Variants in PPARGC1A observed in about 807,000 individuals in gnomAD.
PPARGC1A encodes the protein peroxisome proliferator-activated receptor gamma coactivator 1-alpha.
Under a neutral mutation model 88.7 loss-of-function variants are expected in PPARGC1A, and 25 were observed. The ratio of observed to expected loss-of-function variants is 0.28; its 90% CI spans 0.21 to 0.39. The LOEUF is 0.39. PPARGC1A is among the 10% of genes least tolerant of loss of function. The pLI is 1.00. For synonymous variants in PPARGC1A, 363 were observed against 355.6 expected (o/e 1.02, Z -0.24); for missense variants, 880 against 968.7 (o/e 0.91, Z 1.22).
the PPARGC1A span, among the ~76,000 whole-genome samples, chr4:24,009,033 A>G: frequency 2.0e-3 from 306 of 151,722 alleles, 1 homozygote; most frequent in African/African-American, 7.1e-3. Flanking sequence ...GGGCTAGTTT[A>G]CTTAATACAG....
At chr4:23,909,463 T>C in the PPARGC1A span, among the ~76,000 whole-genome samples, 1 of 152,036 alleles carries the variant, frequency 6.6e-6, no homozygotes. Context: ...AAGACCTTGC[T>C]TATTCATTCA....
the PPARGC1A span, among the ~76,000 whole-genome samples, chr4:24,099,931 TG>T: frequency 8.3e-6 from 1 of 121,026 alleles, no homozygotes; most frequent in Admixed American, 1.2e-4. Context: ...TGAGAACACT[TG>T]GGCACAGGAA....
intron 2 of PPARGC1A, among the ~76,000 whole-genome samples, chr4:23,844,667 A>G (rs1380244964): frequency 2.9e-5 from 3 of 103,520 alleles, no homozygotes; most frequent in Admixed American, 1.5e-4. Flanking sequence ...TATATCATAT[A>G]TTATAATAAT....
chr4:23,956,296 CT>C, the PPARGC1A span, among the ~76,000 whole-genome samples: 3 of 151,996 alleles, frequency 2.0e-5, no homozygotes, highest in Non-Finnish European at 4.4e-5. Flanking sequence ...TTCAATAGGT[CT>C]GAGGTGGGGT....
chr4:23,922,476 C>T, the PPARGC1A span, among the ~76,000 whole-genome samples: 1 of 152,196 alleles, frequency 6.6e-6, no homozygotes, highest in African/African-American at 2.4e-5. Context: ...TGAACTCCAT[C>T]ATGTTTTAAG....
the PPARGC1A span, among the ~76,000 whole-genome samples, chr4:24,016,312 G>C: frequency 3.9e-5 from 6 of 152,148 alleles, no homozygotes; most frequent in African/African-American, 1.4e-4. Flanking sequence ...TGGAATGAGA[G>C]GAAAGCAGCA....
chr4:24,314,942 A>G, the PPARGC1A span, among the ~76,000 whole-genome samples: 1 of 152,022 alleles, frequency 6.6e-6, no homozygotes, highest in Non-Finnish European at 1.5e-5. Context: ...AGGTTAATTA[A>G]TAACTCTTAT....
chr4:24,281,668 G>C, the PPARGC1A span, among the ~76,000 whole-genome samples: 2 of 152,120 alleles, frequency 1.3e-5, no homozygotes, highest in Non-Finnish European at 2.9e-5. Flanking sequence ...CTATACAGCA[G>C]GCTCTGTGCA....
the PPARGC1A span, among the ~76,000 whole-genome samples, chr4:24,062,671 G>A: frequency 6.6e-6 from 1 of 152,168 alleles, no homozygotes; most frequent in Non-Finnish European, 1.5e-5. Flanking sequence ...CTTTACAAGT[G>A]GCTAGAAATG....
chr4:24,318,189 C>A, the PPARGC1A span, among the ~76,000 whole-genome samples: 1 of 152,138 alleles, frequency 6.6e-6, no homozygotes, highest in Non-Finnish European at 1.5e-5. Flanking sequence ...TAATGACAGG[C>A]GACCACTTGG....
the PPARGC1A span, among the ~76,000 whole-genome samples, chr4:24,006,345 G>A: frequency 6.6e-5 from 10 of 152,230 alleles, no homozygotes; most frequent in South Asian, 4.1e-4. Flanking sequence ...CACTGTGCCC[G>A]GCCAGTTTTC....
the PPARGC1A span, among the ~76,000 whole-genome samples, chr4:24,292,263 G>A: frequency 1.3e-5 from 2 of 152,082 alleles, no homozygotes; most frequent in African/African-American, 2.4e-5. Flanking sequence ...ACTCTCGCGG[G>A]TTGCTTCAAA....
chr4:24,036,737 G>T, the PPARGC1A span, among the ~76,000 whole-genome samples: 168 of 152,138 alleles, frequency 1.1e-3, no homozygotes, highest in Non-Finnish European at 2.1e-3. Context: ...CTTGGGTAGG[G>T]TATTGAATTG....
the PPARGC1A span, among the ~76,000 whole-genome samples, chr4:24,426,921 C>A: frequency 2.0e-5 from 3 of 152,166 alleles, no homozygotes; most frequent in East Asian, 5.8e-4. Flanking sequence ...AACAGAGACT[C>A]GGGTACATTT....
chr4:24,009,886 C>T, the PPARGC1A span, among the ~76,000 whole-genome samples: 1 of 152,176 alleles, frequency 6.6e-6, no homozygotes, highest in African/African-American at 2.4e-5. Flanking sequence ...GACCCACCCA[C>T]ACCTCCTCTT....
the PPARGC1A span, among the ~76,000 whole-genome samples, chr4:24,328,716 C>A: frequency 6.6e-6 from 1 of 152,138 alleles, no homozygotes; most frequent in Non-Finnish European, 1.5e-5. Context: ...TTCCACCCCA[C>A]CCCATCCCAA....
the PPARGC1A span, among the ~76,000 whole-genome samples, chr4:24,144,556 C>G: frequency 2.6e-5 from 4 of 151,850 alleles, no homozygotes; most frequent in Non-Finnish European, 5.9e-5. Context: ...TGTACCGTGT[C>G]CAGGGATGAC....
the PPARGC1A span, among the ~76,000 whole-genome samples, chr4:23,991,115 G>A: frequency 1.3e-5 from 2 of 151,966 alleles, no homozygotes; most frequent in East Asian, 1.9e-4. Flanking sequence ...CCCTTCCCAA[G>A]TCCAGTCCTC....
the PPARGC1A span, among the ~76,000 whole-genome samples, chr4:24,257,943 C>T: frequency 6.6e-6 from 1 of 151,958 alleles, no homozygotes; most frequent in African/African-American, 2.4e-5. Context: ...AATATACAGA[C>T]ATATTTAGTC....
Sources: allele counts gnomAD v4.1 joint callset (sites outside exome capture counted in the v4.1 genomes callset), GRCh38; gene constraint gnomAD v4.1.1; transcripts MANE v1.5; gene names NCBI Gene and HGNC (gene_info 2026-07-23, HGNC 2026-07-21).